The following ARHGAP22 variants were observed in gnomAD, a reference collection of about 807,000 sequenced individuals.
ARHGAP22 encodes the protein rho GTPase-activating protein 22.
A neutral mutation model predicts 59.1 loss-of-function variants in ARHGAP22; 48 were observed. That is an observed-to-expected ratio of 0.81 (90% CI 0.64 to 1.03). The LOEUF is 1.03. Among genes scored for constraint, ARHGAP22 ranks in the 50% least tolerant of loss-of-function variants. The pLI is 0.00. For missense variants in ARHGAP22, 1,015 were observed against 958.7 expected, an observed-to-expected ratio of 1.06 and a Z score of -0.78; for synonymous variants, 445 against 416.4, an observed-to-expected ratio of 1.07 and a Z score of -0.84.
intron 5 of ARHGAP22, among the ~76,000 whole-genome samples, chr10:48,457,866 G>T (rs2046709333): frequency 6.6e-6 from 1 of 151,246 alleles, no homozygotes; most frequent in Non-Finnish European, 1.5e-5. Context: ...GCCTTGGGGA[G>T]AGAGCTCCAT....
At chr10:48,644,576 G>A (rs2062210030) in intron 1 of ARHGAP22, among the ~76,000 whole-genome samples, 1 of 152,114 alleles carries the variant, frequency 6.6e-6, no homozygotes, top group Admixed American at 6.5e-5. Context: ...ATCATATAAA[G>A]TACATTATCT....
chr10:48,601,146 T>C (rs937904758), intron 1 of ARHGAP22, among the ~76,000 whole-genome samples: 13 of 152,328 alleles, frequency 8.5e-5, no homozygotes, highest in South Asian at 8.3e-4. Context: ...GCCATCATGG[T>C]ACCTGACAAA....
chr10:48,651,583 A>G (rs1194870491), intron 1 of ARHGAP22, among the ~76,000 whole-genome samples: 1 of 151,456 alleles, frequency 6.6e-6, no homozygotes, highest in African/African-American at 2.4e-5. Flanking sequence ...CACCTGTACA[A>G]CCCATCCAAA....
chr10:48,561,788 C>A (rs2135395376), intron 2 of ARHGAP22, among the ~76,000 whole-genome samples: 1 of 152,254 alleles, frequency 6.6e-6, no homozygotes, highest in Non-Finnish European at 1.5e-5. Flanking sequence ...TAATTGGATA[C>A]CACTACATAT....
chr10:48,595,532 AT>A (rs201669275), intron 1 of ARHGAP22, among the ~76,000 whole-genome samples: 2 of 150,960 alleles, frequency 1.3e-5, no homozygotes, highest in Admixed American at 6.6e-5. Context: ...TTATTTGTTT[AT>A]TTTTTTTTGA....
intron 1 of ARHGAP22, among the ~76,000 whole-genome samples, chr10:48,588,392 G>T (rs1410264471): frequency 1.3e-5 from 2 of 152,234 alleles, no homozygotes; most frequent in African/African-American, 4.8e-5. Context: ...ATATTAGGCT[G>T]ATGGAGCTTC....
intron 1 of ARHGAP22, among the ~76,000 whole-genome samples, chr10:48,642,559 C>T (rs2062096847): frequency 6.6e-6 from 1 of 152,218 alleles, no homozygotes; most frequent in Non-Finnish European, 1.5e-5. Context: ...AACTGGATCC[C>T]TTCCTTACAC....
At chr10:48,620,092 T>C (rs1169894831) in intron 1 of ARHGAP22, among the ~76,000 whole-genome samples, 2 of 152,250 alleles carry the variant, frequency 1.3e-5, no homozygotes, top group East Asian at 3.8e-4. Flanking sequence ...TGTATTACCT[T>C]TGATCAGTAA....
At chr10:48,468,592 G>T (rs531144866) in intron 4 of ARHGAP22, among the ~76,000 whole-genome samples, 7 of 152,326 alleles carry the variant, frequency 4.6e-5, no homozygotes, top group African/African-American at 1.7e-4. Flanking sequence ...AGAACTAGAA[G>T]ATAATCACGT....
intron 3 of ARHGAP22, among the ~76,000 whole-genome samples, chr10:48,492,291 T>A (rs1175326643): frequency 6.6e-6 from 1 of 152,150 alleles, no homozygotes; most frequent in Non-Finnish European, 1.5e-5. Flanking sequence ...AAATATTTTT[T>A]AAAAGTGGCA....
chr10:48,454,272 G>A (rs1190788393), intron 6 of ARHGAP22, 111 bp from the exon 7 acceptor site: 17 of 980,424 alleles, frequency 1.7e-5, no homozygotes, highest in Middle Eastern at 4.6e-4. Context: ...CGGCAGCCCA[G>A]CCCCAACAGA....
Position 48,487,211 on chromosome 10 carries a change from G to A in ARHGAP22, c.323-7447C>T, listed in dbSNP as rs111792374. The stretch of plus-strand genomic sequence containing the variant: ...ACAACTTAAGGTTATCCTGCAGCTC[G>A]CTGATGCTCTGTTTTTGTTAAATTT... On this transcript the variant is annotated intron_variant, in intron 3 of 9. Transcript: ENST00000249601. 3.3e-5 allele frequency among the ~76,000 whole-genome samples: 5 copies of A among 152,062 alleles called. 1 individual carries two copies. Among genetic ancestry groups the A allele is most frequent in the Admixed American group, 2.6e-4 (4 of 15,262 alleles).
chr10:48,436,506 A>G, the ARHGAP22 span: 1 of 152,208 alleles, frequency 6.6e-6, no homozygotes, highest in Non-Finnish European at 1.5e-5. Context: ...ATTTCATGTA[A>G]TGAACTAGGA....
chr10:48,545,398 C>T (rs1417649260), intron 3 of ARHGAP22, among the ~76,000 whole-genome samples: 1 of 152,198 alleles, frequency 6.6e-6, no homozygotes. Flanking sequence ...CAGGAGAACC[C>T]CACTGCAAAG....
intron 2 of ARHGAP22, among the ~76,000 whole-genome samples, chr10:48,571,428 C>T (rs1451556849): frequency 6.6e-6 from 1 of 152,158 alleles, no homozygotes; most frequent in Non-Finnish European, 1.5e-5. Context: ...TCCTTGCTGC[C>T]CTGTTCTTGA....
chr10:48,595,987 T>C (rs2060043822), intron 1 of ARHGAP22, among the ~76,000 whole-genome samples: 1 of 151,698 alleles, frequency 6.6e-6, no homozygotes, highest in South Asian at 2.1e-4. Flanking sequence ...AGTGAAAATA[T>C]TAATTTTTAA....
rs2060591378 is a variant in ARHGAP22 at position 48,604,812 on chromosome 10, C to T, written c.-16G>A. On this transcript the variant is annotated 5_prime_UTR_variant, in exon 1 of 10. Coordinates refer to ENST00000249601, the MANE Select transcript of ARHGAP22 (RefSeq NM_021226.4). ...GGCTCAGCATGTTCTTGCAGCCGTC[C>T]GGCCAGCCCCGCAGGGCCGTTCATG... 1.2e-6 allele frequency: 2 copies of T among 1,614,180 alleles called. No individual in the cohort carries two copies. Among genetic ancestry groups the T allele is most frequent in the Non-Finnish European group, 1.7e-6 (2 of 1,180,034 alleles).
downstream of ARHGAP22, among the ~76,000 whole-genome samples, chr10:48,443,375 C>A (rs2045248103): frequency 6.6e-6 from 1 of 152,174 alleles, no homozygotes; most frequent in African/African-American, 2.4e-5. Flanking sequence ...AGTATCTGGC[C>A]CCTGCTAGGC....
chr10:48,548,470 C>T (rs2056639530), intron 3 of ARHGAP22, among the ~76,000 whole-genome samples: 1 of 152,240 alleles, frequency 6.6e-6, no homozygotes, highest in South Asian at 2.1e-4. Context: ...TAGCATTGTG[C>T]TAATTCCAGA....
Sources: gnomAD v4.1 joint callset for allele counts (sites outside exome capture counted in the v4.1 genomes callset) on GRCh38, gnomAD v4.1.1 for gene constraint, MANE v1.5 for transcripts, NCBI Gene and HGNC (gene_info 2026-07-23, HGNC 2026-07-21) for gene names.